EMC10: variants seen among roughly 807,000 people sequenced by gnomAD.
EMC10 encodes the protein ER membrane protein complex subunit 10.
In EMC10, 40 loss-of-function variants were observed where a neutral mutation model predicts 32.2. That is an observed-to-expected ratio of 1.24 (90% CI 0.96 to 1.61). The LOEUF is 1.61. Ranked by LOEUF, EMC10 falls within the 40% of genes most tolerant of loss-of-function variation. EMC10 has a pLI of 0.00. For synonymous variants in EMC10, 178 were observed against 158.4 expected (o/e 1.12, Z -0.93); for missense variants, 402 against 357.7 (o/e 1.12, Z -1.00).
At chr19:50,479,125 T>G in intron 3 of EMC10, 59 bp downstream of exon 3, 5 of 1,357,824 alleles carry the variant, frequency 3.7e-6, no homozygotes, top group Non-Finnish European at 5.1e-6. Context: ...CAGCTGTCTC[T>G]TCAGCCACCC....
At position 50,482,912 on chromosome 19, in the gene EMC10, A is replaced by C; in HGVS notation, c.*653A>C. On this transcript the variant is annotated 3_prime_UTR_variant, in exon 7 of 7. Transcript: ENST00000334976. ...ACAAGGAATCCTTGCCTTTAAGGTG[A>C]CAGGCCCTCCACAGGCTTCCAGACT... The C allele has an allele frequency of 1.8e-6, 1 of 559,086 alleles. No individual in the cohort carries two copies. Among genetic ancestry groups the C allele is most frequent in the Non-Finnish European group, 3.2e-6 (1 of 316,454 alleles). 34.6% of individuals were successfully genotyped at this position (559,086 alleles called of 1,614,324 possible). A position where few individuals can be genotyped will look rare whatever the true frequency, so the allele number is the denominator to read the frequency against.
In EMC10 at chr19:50,480,339, T is replaced by C; in HGVS notation, c.402+124T>C. 1 of 1,087,328 alleles carries C rather than the reference T, an allele frequency of 9.2e-7. No individual in the cohort carries two copies. Among genetic ancestry groups the C allele is most frequent in the Non-Finnish European group, 1.3e-6 (1 of 751,434 alleles). 67.4% of individuals were successfully genotyped at this position (1,087,328 alleles called of 1,614,324 possible). A position where few individuals can be genotyped will look rare whatever the true frequency, so the allele number is the denominator to read the frequency against. On this transcript the variant is annotated intron_variant, in intron 4 of 6. Coordinates refer to ENST00000334976, the MANE Select transcript of EMC10 (RefSeq NM_206538.4). The surrounding 1 kb of genome is among the most constrained non-coding windows in gnomAD (Gnocchi z 4.4). ...CGCAGAGGCCTGGGAGACTCAGACC[T>C]GGCCTTGCCTTCCGAGGCCTCCTGG...
intron 1 of EMC10, 67 bp downstream of exon 1, chr19:50,476,725 T>A: frequency 9.8e-7 from 1 of 1,024,854 alleles, no homozygotes; most frequent in Non-Finnish European, 1.4e-6. Context: ...GGTCTTTAGG[T>A]GAGTTACAGA....
intron 3 of EMC10, among the ~76,000 whole-genome samples, chr19:50,479,690 G>A (rs1422710891): frequency 1.3e-5 from 2 of 152,210 alleles, no homozygotes; most frequent in African/African-American, 4.8e-5. Flanking sequence ...ACGCGGTGAG[G>A]TCTGCCTGAG....
In EMC10 at chr19:50,479,047, A is replaced by G; in HGVS notation, c.278A>G (p.Glu93Gly). 1 of 1,607,694 alleles carries G rather than the reference A, an allele frequency of 6.2e-7. No individual in the cohort carries two copies. The highest frequency in any genetic ancestry group is 8.5e-7 in the Non-Finnish European group (1 of 1,178,074). Reference sequence around the variant, plus strand: ...CTGTCACAGCGGCAGCTCAGCGAGGAGGAGCGGGGCCGACTCCGGGTGAGG... The same window carrying G: ...CTGTCACAGCGGCAGCTCAGCGAGGGGGAGCGGGGCCGACTCCGGGTGAGG... Reference protein sequence around the residue: ...LSLSQRQLSEEERGRLRDVAA... With the variant: ...LSLSQRQLSEGERGRLRDVAA... The change falls in exon 3 of 7, where the codon GAG (glutamate) becomes GGG (glycine). Residue 93 changes from glutamate to glycine, a missense_variant. Transcript: ENST00000334976.
Position 50,480,494 on chromosome 19 carries a change from G to A in EMC10, c.403-87G>A, listed in dbSNP as rs570035599. On this transcript the variant is annotated intron_variant, in intron 4 of 6. Coordinates refer to ENST00000334976, the MANE Select transcript of EMC10 (RefSeq NM_206538.4). The surrounding 1 kb of genome is among the most constrained non-coding windows in gnomAD (Gnocchi z 4.4). Reference sequence around the variant, plus strand: ...ATGGGAAGGTTTTGAAAAATGCTCCGGGGGTCCTGTGGTGGGGGCCGGGGG... The same window carrying A: ...ATGGGAAGGTTTTGAAAAATGCTCCAGGGGTCCTGTGGTGGGGGCCGGGGG... 3 of 1,453,174 alleles carry A rather than the reference G, an allele frequency of 2.1e-6. No homozygotes were observed. The highest frequency in any genetic ancestry group is 1.9e-6 in the Non-Finnish European group (2 of 1,079,378). The allele number at this position is 1,453,174 out of a possible 1,614,324, so 90.0% of individuals were successfully genotyped here.
chr19:50,478,608 C>G (rs1298327391), intron 2 of EMC10, among the ~76,000 whole-genome samples: 1 of 152,190 alleles, frequency 6.6e-6, no homozygotes, highest in African/African-American at 2.4e-5. Flanking sequence ...TCCCCTGATT[C>G]TGACATGGCC....
At chr19:50,479,944 C>T (rs991855572) in intron 3 of EMC10, among the ~76,000 whole-genome samples, 167 bp from the exon 4 acceptor site, 18 of 152,170 alleles carry the variant, frequency 1.2e-4, no homozygotes, top group Non-Finnish European at 2.2e-4. Flanking sequence ...AGCCGGGCCA[C>T]CCCAACAGGA....
rs1410282461 is a variant in EMC10 at position 50,482,948 on chromosome 19, G to A, written c.*689G>A. The A allele has an allele frequency of 3.5e-6, 2 of 577,404 alleles. No individual in the cohort carries two copies. The highest frequency in any genetic ancestry group is 6.2e-5 in the Admixed American group (2 of 32,286). 35.8% of individuals were successfully genotyped at this position (577,404 alleles called of 1,614,324 possible). ...ACAGGCTTCCAGACTTGAAGGAAAA[G>A]GTTTAAGAAAGAAAACAAAACCAAC... On this transcript the variant is annotated 3_prime_UTR_variant, in exon 7 of 7. Coordinates refer to ENST00000334976, the MANE Select transcript of EMC10 (RefSeq NM_206538.4).
rs568514863 is a variant in EMC10, at chr19:50,483,571, T to G, written c.*1312T>G. 1.1e-3 allele frequency: 169 copies of G among 157,802 alleles called. 1 individual carries two copies. Among genetic ancestry groups the G allele is most frequent in the Non-Finnish European group, 2.1e-3 (147 of 71,530 alleles). The allele number at this position is 157,802 out of a possible 1,614,324, so 9.8% of individuals were successfully genotyped here. A position where few individuals can be genotyped will look rare whatever the true frequency, so the allele number is the denominator to read the frequency against. On this transcript the variant is annotated 3_prime_UTR_variant, in exon 7 of 7. Coordinates refer to ENST00000334976, the MANE Select transcript of EMC10 (RefSeq NM_206538.4). ...GGTTGCCTTCCCTCCCATCACTTCT[T>G]TTTGTTTTTGAGTCAGGGTCTTGCT...
chr19:50,481,487 G>A (rs2040318773), intron 6 of EMC10: 1 of 271,050 alleles, frequency 3.7e-6, no homozygotes, highest in Non-Finnish European at 6.9e-6. Flanking sequence ...GGGGTGGGGA[G>A]GCTGGGGACA....
rs1353336217 is a variant in EMC10 at position 50,486,443 on chromosome 19, C to G, written c.*4184C>G. 6.6e-6 allele frequency: 1 copy of G among 152,156 alleles called. No homozygotes were observed. The highest frequency in any genetic ancestry group is 2.4e-5 in the African/African-American group (1 of 41,428). 9.4% of individuals were successfully genotyped at this position (152,156 alleles called of 1,614,324 possible). On this transcript the variant is annotated 3_prime_UTR_variant, in exon 7 of 7. Coordinates refer to ENST00000334976, the MANE Select transcript of EMC10 (RefSeq NM_206538.4). ...GACCTCAAGCGATCCACCTTAGTCT[C>G]CTAAAGTGCTGGGATTACATGTGTG...
At chr19:50,479,559 G>A (rs1383431117) in intron 3 of EMC10, among the ~76,000 whole-genome samples, 2 of 152,202 alleles carry the variant, frequency 1.3e-5, no homozygotes, top group Non-Finnish European at 2.9e-5. Context: ...GGGAGAAAGA[G>A]GGGCAGAAGG....
Position 50,480,061 on chromosome 19 carries a change from C to A in EMC10, c.298-50C>A. The A allele has an allele frequency of 6.7e-7, 1 of 1,483,198 alleles. No homozygotes were observed. The highest frequency in any genetic ancestry group is 9.2e-7 in the Non-Finnish European group (1 of 1,086,088). The allele number at this position is 1,483,198 out of a possible 1,614,324, so 91.9% of individuals were successfully genotyped here. A position where few individuals can be genotyped will look rare whatever the true frequency, so the allele number is the denominator to read the frequency against. On this transcript the variant is annotated intron_variant, in intron 3 of 6. Coordinates refer to ENST00000334976, the MANE Select transcript of EMC10 (RefSeq NM_206538.4). This position sits in a 1 kb window ranked among gnomAD's most constrained non-coding sequence, Gnocchi z 4.4. Reference sequence around the variant, plus strand: ...AGGCCTGGTGGGCATCACAGCCTGTCCAGGGCTGACACCATCCTTCTGACC... The same window carrying A: ...AGGCCTGGTGGGCATCACAGCCTGTACAGGGCTGACACCATCCTTCTGACC...
At position 50,480,999 on chromosome 19, in the gene EMC10, C is replaced by T; in HGVS notation, c.678+22C>T. ...ATACGTGAGTGGGGCTCCCCCGCCTCCCCTATTCCCTTCCTGACAGTCCCG... is the reference window on the plus strand; with the variant it reads ...ATACGTGAGTGGGGCTCCCCCGCCTTCCCTATTCCCTTCCTGACAGTCCCG... On this transcript the variant is annotated intron_variant, in intron 6 of 6. Coordinates refer to ENST00000334976, the MANE Select transcript of EMC10 (RefSeq NM_206538.4). This position sits in a 1 kb window ranked among gnomAD's most constrained non-coding sequence, Gnocchi z 4.4. 1 of 1,574,220 alleles carries T rather than the reference C, an allele frequency of 6.4e-7. No individual in the cohort carries two copies. The highest frequency in any genetic ancestry group is 8.7e-7 in the Non-Finnish European group (1 of 1,151,894).
chr19:50,481,986 G>C (rs769900570), intron 6 of EMC10, 163 bp from the exon 7 acceptor site: 3 of 1,603,996 alleles, frequency 1.9e-6, no homozygotes, highest in South Asian at 1.1e-5. Flanking sequence ...GCGCCCCACT[G>C]GCCCTCCCTG....
intron 6 of EMC10, chr19:50,481,915 C>T: frequency 1.2e-6 from 2 of 1,604,126 alleles, no homozygotes; most frequent in Admixed American, 1.7e-5. Context: ...TCCTGCTGCG[C>T]CAGGGCCCGC....
At chr19:50,476,962 A>G (rs1261993258) in intron 1 of EMC10, 1 of 301,086 alleles carries the variant, frequency 3.3e-6, no homozygotes, top group Non-Finnish European at 6.1e-6. Context: ...GTTGAAATGA[A>G]AGAGGCAAGG....
chr19:50,480,928 C>T lies in EMC10; in HGVS notation c.629C>T (p.Ala210Val). The change falls in exon 6 of 7, where the codon GCC (alanine) becomes GTC (valine). Residue 210 changes from alanine to valine, a missense_variant. Transcript: ENST00000334976. The surrounding 1 kb of genome is among the most constrained non-coding windows in gnomAD (Gnocchi z 4.4). ...AFIERLEMEQ[A>V]QKAKNPQEQK... ...ATTGAGCGCCTGGAGATGGAACAGG[C>T]CCAGAAGGCCAAGAACCCCCAGGAG... 1 of 1,613,012 alleles carries T rather than the reference C, an allele frequency of 6.2e-7. No homozygotes were observed. Among genetic ancestry groups the T allele is most frequent in the South Asian group, 1.1e-5 (1 of 91,036 alleles).
Sources: allele counts gnomAD v4.1 joint callset (sites outside exome capture counted in the v4.1 genomes callset), GRCh38; gene constraint gnomAD v4.1.1; non-coding constraint Gnocchi (gnomAD v3.1); transcripts MANE v1.5; gene names NCBI Gene and HGNC (gene_info 2026-07-23, HGNC 2026-07-21).